SKIC8: variants seen among roughly 807,000 people sequenced by gnomAD.
SKIC8 encodes SKI8 subunit of superkiller complex, also known as superkiller complex protein 8.
At chr15:78,284,508 C>A in the SKIC8 span, 4 of 152,268 alleles carry the variant, frequency 2.6e-5, no homozygotes, top group South Asian at 8.3e-4. Flanking sequence ...TTTTTATGCT[C>A]AGTTCCCCAA....
the SKIC8 span, chr15:78,285,444 T>A: frequency 1.1e-6 from 1 of 944,240 alleles, no homozygotes; most frequent in Non-Finnish European, 1.7e-6. Context: ...CCCAACCCCA[T>A]GCCTCGGTAC....
At chr15:78,286,317 T>G in the SKIC8 span, 283,114 of 560,044 alleles carry the variant, frequency 0.51, 72,558 homozygotes, top group Admixed American at 0.58. Context: ...AGAGACAAAT[T>G]TTAATAGTAG....
the SKIC8 span, chr15:78,292,366 TA>T: frequency 5.4e-4 from 223 of 411,332 alleles, 2 homozygotes; most frequent in East Asian, 7.9e-3. Flanking sequence ...TGAATTGACA[TA>T]AGGCTATTTA....
chr15:78,290,810 T>C, the SKIC8 span: 1 of 64,230 alleles, frequency 1.6e-5, no homozygotes, highest in Admixed American at 2.2e-4. Flanking sequence ...TCAGACCCCA[T>C]TCTTCCTTTT....
the SKIC8 span, among the ~76,000 whole-genome samples, chr15:78,298,672 T>C: frequency 3.3e-5 from 5 of 152,216 alleles, no homozygotes; most frequent in African/African-American, 1.2e-4. Context: ...CAACTTACAA[T>C]GGGGTTACTT....
the SKIC8 span, chr15:78,290,130 G>A: frequency 6.3e-7 from 1 of 1,589,858 alleles, no homozygotes; most frequent in Non-Finnish European, 8.5e-7. Context: ...CAAAAATACA[G>A]TGTGAAAAGA....
At chr15:78,289,918 T>A in the SKIC8 span, 2 of 1,604,948 alleles carry the variant, frequency 1.2e-6, no homozygotes, top group Non-Finnish European at 1.7e-6. Context: ...ACTGAAAGAA[T>A]CAGAAGGAGA....
the SKIC8 span, among the ~76,000 whole-genome samples, chr15:78,298,118 G>C: frequency 8.5e-5 from 13 of 152,100 alleles, no homozygotes; most frequent in Admixed American, 8.5e-4. Flanking sequence ...GCTCAAGCCA[G>C]TTTGGCTAAT....
chr15:78,289,769 T>C, the SKIC8 span: 1 of 1,569,862 alleles, frequency 6.4e-7, no homozygotes, highest in African/African-American at 1.4e-5. Context: ...TGTTAAGCTG[T>C]CCCTACCAAA....
chr15:78,294,344 G>A, the SKIC8 span: 3 of 152,532 alleles, frequency 2.0e-5, no homozygotes, highest in Non-Finnish European at 2.9e-5. Context: ...GAAGAAATGA[G>A]ATGGGTGAGT....
chr15:78,285,119 G>T, the SKIC8 span: 1 of 717,080 alleles, frequency 1.4e-6, no homozygotes, highest in Non-Finnish European at 2.4e-6. Context: ...TGGCTACATG[G>T]ATGACTGAGC....
the SKIC8 span, chr15:78,295,595 A>C: frequency 3.1e-6 from 5 of 1,594,410 alleles, no homozygotes; most frequent in Admixed American, 8.4e-5. Flanking sequence ...TAGTTTCTTG[A>C]CTACACATCC....
the SKIC8 span, chr15:78,289,910 T>A: frequency 6.2e-7 from 1 of 1,601,250 alleles, no homozygotes; most frequent in Non-Finnish European, 8.5e-7. Context: ...AAGGGTAAAC[T>A]GAAAGAATCA....
the SKIC8 span, chr15:78,294,773 T>G: frequency 2.3e-6 from 1 of 441,610 alleles, no homozygotes; most frequent in Non-Finnish European, 3.6e-6. Flanking sequence ...CAGGTTTTTG[T>G]TGTTGTTGTT....
chr15:78,283,377 T>C, the SKIC8 span: 11 of 1,421,664 alleles, frequency 7.7e-6, no homozygotes, highest in Non-Finnish European at 1.1e-5. Flanking sequence ...AGGTAAGGAA[T>C]GTCATGATCA....
the SKIC8 span, among the ~76,000 whole-genome samples, chr15:78,297,085 T>C: frequency 6.6e-6 from 1 of 152,234 alleles, no homozygotes; most frequent in Non-Finnish European, 1.5e-5. Flanking sequence ...ACAAAGCTTA[T>C]CTAACACACA....
the SKIC8 span, among the ~76,000 whole-genome samples, chr15:78,290,314 T>C: frequency 6.6e-6 from 1 of 152,204 alleles, no homozygotes; most frequent in Admixed American, 6.5e-5. Flanking sequence ...TATCAAGTGT[T>C]AGCAAGGATG....
At chr15:78,293,005 C>A in the SKIC8 span, 3 of 813,520 alleles carry the variant, frequency 3.7e-6, no homozygotes, top group African/African-American at 3.5e-5. Context: ...TACAGAGTAA[C>A]AGGAAAACAA....
the SKIC8 span, among the ~76,000 whole-genome samples, chr15:78,293,663 C>T: frequency 5.3e-5 from 8 of 152,112 alleles, no homozygotes; most frequent in Non-Finnish European, 1.0e-4. Context: ...AAAGATCTTT[C>T]GAAACAAGCA....
Sources: allele counts gnomAD v4.1 joint callset (sites outside exome capture counted in the v4.1 genomes callset), GRCh38; gene constraint gnomAD v4.1.1; transcripts MANE v1.5; gene names NCBI Gene and HGNC (gene_info 2026-07-23, HGNC 2026-07-21).